The following HIF3A variants were observed in gnomAD, a reference collection of about 807,000 sequenced individuals.
The protein encoded by HIF3A is hypoxia inducible factor 3 subunit alpha.
HIF3A carries 41 observed loss-of-function variants against 67.2 expected under a neutral mutation model. The ratio of observed to expected loss-of-function variants is 0.61; its 90% confidence interval spans 0.48 to 0.79. The LOEUF is 0.79. HIF3A is among the 30% of genes least tolerant of loss of function. The pLI is 0.00. For missense variants in HIF3A, 855 were observed against 898.0 expected (o/e 0.95, Z 0.61); for synonymous variants, 356 against 374.8 (o/e 0.95, Z 0.58).
rs528342869 is a variant in HIF3A at position 46,312,791 on chromosome 19, T to C, written c.1025+138T>C. ...AAGTGTATGTGAGGGAGTGTGCACG[T>C]GTACACATATGAGGAATGTGTGTCA... On this transcript the variant is annotated intron_variant, in intron 8 of 14. Coordinates refer to ENST00000377670, the MANE Select transcript of HIF3A (RefSeq NM_152795.4). 318 of 1,411,796 alleles carry C rather than the reference T, an allele frequency of 2.3e-4. No individual in the cohort carries two copies. In the African/African-American group the frequency reaches 4.1e-3, roughly 18 times the overall value. The allele number at this position is 1,411,796 out of a possible 1,614,324, so 87.5% of individuals were successfully genotyped here. A position where few individuals can be genotyped will look rare whatever the true frequency, so the allele number is the denominator to read the frequency against.
At chr19:46,330,575 G>C (rs746751686) in intron 12 of HIF3A, among the ~76,000 whole-genome samples, 4 of 151,282 alleles carry the variant, frequency 2.6e-5, no homozygotes, top group Non-Finnish European at 5.9e-5. Flanking sequence ...TGGATGGATG[G>C]GTGGTTGGAT....
At chr19:46,309,112 AG>A (rs200870920) in intron 5 of HIF3A, 38 bp from the exon 6 acceptor site, 19,559 of 1,564,174 alleles carry the variant, frequency 0.013, 159 homozygotes, top group Non-Finnish European at 0.014. Flanking sequence ...TCTCAGGCCC[AG>A]AGGCACCACT....
chr19:46,298,233 A>C (rs1968016445), intron 1 of HIF3A: 81 of 301,870 alleles, frequency 2.7e-4, no homozygotes, highest in Middle Eastern at 2.4e-3. Context: ...CCTGTCCCCT[A>C]CTCTATTCCA....
chr19:46,313,208 G>A (rs545516939), intron 8 of HIF3A: 12 of 746,604 alleles, frequency 1.6e-5, no homozygotes, highest in East Asian at 2.6e-4. Context: ...CCGAGATTGC[G>A]TCAGTGCACT....
In HIF3A at chr19:46,303,238, T is replaced by C. The variant is rs1968493311; in HGVS notation, c.27-660T>C. Among the ~76,000 whole-genome samples the C allele has an allele frequency of 2.0e-5, 3 of 152,350 alleles. 1 individual carries two copies. Among genetic ancestry groups the C allele is most frequent in the Middle Eastern group, 3.4e-3 (1 of 294 alleles). ...GATATTTCTGATAAAACGACACTTATTCTTCCAACCCCACATGCAAAATGT... is the reference window on the plus strand; with the variant it reads ...GATATTTCTGATAAAACGACACTTACTCTTCCAACCCCACATGCAAAATGT... On this transcript the variant is annotated intron_variant, in intron 1 of 14. Transcript: ENST00000377670.
At position 46,342,667 on chromosome 19, in the gene HIF3A, G is replaced by A. The variant is rs1971971820; in HGVS notation, c.*3045G>A. 1 of 151,992 alleles carries A rather than the reference G, an allele frequency of 6.6e-6. No individual in the cohort carries two copies. The highest frequency in any genetic ancestry group is 2.4e-5 in the African/African-American group (1 of 41,366). The allele number at this position is 151,992 out of a possible 1,614,324, so 9.4% of individuals were successfully genotyped here. On this transcript the variant is annotated 3_prime_UTR_variant, in exon 15 of 15. Coordinates refer to ENST00000377670, the MANE Select transcript of HIF3A (RefSeq NM_152795.4). ...TCAGCCTCCAAATGCTTCTGATTCTGGAATCTAGACTTTTCCCTAAAGATT... is the reference window on the plus strand; with the variant it reads ...TCAGCCTCCAAATGCTTCTGATTCTAGAATCTAGACTTTTCCCTAAAGATT...
Position 46,309,218 on chromosome 19 carries a change from C to T in HIF3A, c.629C>T (p.Pro210Leu), listed in dbSNP as rs1332465094. The T allele has an allele frequency of 6.2e-6, 10 of 1,614,138 alleles. No individual in the cohort carries two copies. Among genetic ancestry groups the T allele is most frequent in the Non-Finnish European group, 7.6e-6 (9 of 1,180,004 alleles). Reference sequence around the variant, plus strand: ...GCGCAGACTTCTCCAGCTGGGAGCCCTGACTCAGAGCCCCCGCTGCAGTGC... The same window carrying T: ...GCGCAGACTTCTCCAGCTGGGAGCCTTGACTCAGAGCCCCCGCTGCAGTGC... ...PPAQTSPAGS[P>L]DSEPPLQCLV... The change falls in exon 6 of 15, where the codon CCT (proline) becomes CTT (leucine). Residue 210 changes from proline (P) to leucine (L), a missense_variant. Transcript: ENST00000377670.
At chr19:46,309,569 A>G (rs11879245) in intron 6 of HIF3A, among the ~76,000 whole-genome samples, 11,484 of 151,852 alleles carry the variant, frequency 0.076, 494 homozygotes, top group South Asian at 0.11. Flanking sequence ...CCATTTGCCC[A>G]GACTGCTCTC....
Position 46,303,502 on chromosome 19 carries a change from G to T in HIF3A, c.27-396G>T, listed in dbSNP as rs1020938453. 5 of 888,302 alleles carry T rather than the reference G, an allele frequency of 5.6e-6. No homozygotes were observed. The African/African-American group carries it at 8.5e-5, about 15-fold the overall frequency. 55.0% of individuals were successfully genotyped at this position (888,302 alleles called of 1,614,324 possible). A position where few individuals can be genotyped will look rare whatever the true frequency, so the allele number is the denominator to read the frequency against. ...GAGGCTGTAGGCCTCTCCTTCGTGGGCCCTCCCTCCTCTGGCCCCTGGCCA... is the reference window on the plus strand; with the variant it reads ...GAGGCTGTAGGCCTCTCCTTCGTGGTCCCTCCCTCCTCTGGCCCCTGGCCA... On this transcript the variant is annotated intron_variant, in intron 1 of 14. Coordinates refer to ENST00000377670, the MANE Select transcript of HIF3A (RefSeq NM_152795.4).
At chr19:46,303,770 G>C (rs1324436727) in intron 1 of HIF3A, 128 bp from the exon 2 acceptor site, 1 of 1,498,074 alleles carries the variant, frequency 6.7e-7, no homozygotes. Context: ...GCCACACATC[G>C]AGGCCTGCGC....
chr19:46,312,807 A>AG (rs1318834436), intron 8 of HIF3A, 154 bp downstream of exon 8: 1 of 1,341,562 alleles, frequency 7.5e-7, no homozygotes, highest in Non-Finnish European at 9.5e-7. Context: ...CATATGAGGA[A>AG]TGTGTGTCAC....
rs183871192 is a variant in HIF3A, at chr19:46,310,033, T to C, written c.770+674T>C. 2.0e-5 allele frequency among the ~76,000 whole-genome samples: 3 copies of C among 152,256 alleles called. No individual in the cohort carries two copies. In the East Asian group the frequency reaches 5.8e-4, roughly 29 times the overall value. Reference sequence around the variant, plus strand: ...TGACGTCAGGAGTTCAAGACCAGCCTGGCCAACATGGTGAAACCCCAACTC... The same window carrying C: ...TGACGTCAGGAGTTCAAGACCAGCCCGGCCAACATGGTGAAACCCCAACTC... On this transcript the variant is annotated intron_variant, in intron 6 of 14. Coordinates refer to ENST00000377670, the MANE Select transcript of HIF3A (RefSeq NM_152795.4).
At chr19:46,338,490 AC>A (rs1601389384) in intron 14 of HIF3A, 1 of 1,146,644 alleles carries the variant, frequency 8.7e-7, no homozygotes, top group East Asian at 7.6e-5. Flanking sequence ...GGTATGAACC[AC>A]CACGCCCGAC....
chr19:46,324,421 A>G (rs1375776440), intron 10 of HIF3A, among the ~76,000 whole-genome samples: 1 of 152,126 alleles, frequency 6.6e-6, no homozygotes. Context: ...CTCCACCCCA[A>G]GAAAATATCC....
chr19:46,306,341 G>C (rs1207036258), intron 3 of HIF3A: 1 of 152,198 alleles, frequency 6.6e-6, no homozygotes, highest in Non-Finnish European at 1.5e-5. Flanking sequence ...GAGGGAGTGA[G>C]ATCAGAGGTT....
At chr19:46,324,299 A>G (rs1970598483) in intron 10 of HIF3A, among the ~76,000 whole-genome samples, 1 of 152,202 alleles carries the variant, frequency 6.6e-6, no homozygotes, top group African/African-American at 2.4e-5. Flanking sequence ...CCTGGCACCT[A>G]TCGGTGCTCA....
At position 46,341,198 on chromosome 19, in the gene HIF3A, C is replaced by CT. The variant is rs769218297; in HGVS notation, c.*1595dup. The CT allele has an allele frequency of 0.038, 5,124 of 135,034 alleles. 159 individuals are homozygous for CT. The highest frequency in any genetic ancestry group is 0.055 in the African/African-American group (1,999 of 36,122). The allele number at this position is 135,034 out of a possible 1,614,324, so 8.4% of individuals were successfully genotyped here. A position where few individuals can be genotyped will look rare whatever the true frequency, so the allele number is the denominator to read the frequency against. On this transcript the variant is annotated 3_prime_UTR_variant, in exon 15 of 15. Coordinates refer to ENST00000377670, the MANE Select transcript of HIF3A (RefSeq NM_152795.4). ...CAAATCCAGACCTCTTAATCTCTCTCTTTTTTTTTTTTTTTTTTTGAGACA... is the reference window on the plus strand; with the variant it reads ...CAAATCCAGACCTCTTAATCTCTCTCTTTTTTTTTTTTTTTTTTTTGAGACA...
chr19:46,331,552 A>G (rs1971230568), intron 13 of HIF3A: 1 of 211,828 alleles, frequency 4.7e-6, no homozygotes, highest in African/African-American at 2.4e-5. Context: ...CTCTGCAAAT[A>G]CATGTAAGAT....
intron 1 of HIF3A, among the ~76,000 whole-genome samples, chr19:46,300,945 CA>C (rs200706045): frequency 0.024 from 3,702 of 152,102 alleles, 70 homozygotes; most frequent in Non-Finnish European, 0.039. Flanking sequence ...GGAGGTGGGG[CA>C]CTGGCCCCAC....
Sources: allele counts gnomAD v4.1 joint callset (sites outside exome capture counted in the v4.1 genomes callset), GRCh38; gene constraint gnomAD v4.1.1; transcripts MANE v1.5; gene names NCBI Gene and HGNC (gene_info 2026-07-23, HGNC 2026-07-21).